B3GALT1: variants seen among roughly 807,000 people sequenced by gnomAD.
B3GALT1 encodes UDP-Gal:betaGlcNAc beta 1,3-galactosyltransferase, polypeptide 1.
A neutral mutation model predicts 23.2 loss-of-function variants in B3GALT1; 10 were observed. The observed-to-expected ratio is 0.43, with a 90% CI of 0.27 to 0.73. The LOEUF (loss-of-function observed/expected upper bound fraction) is 0.73. B3GALT1 is among the 30% of genes least tolerant of loss of function. The probability of loss-of-function intolerance (pLI) is 0.21; values close to 1 mark genes in which losing one functional copy is unlikely to be tolerated. For synonymous variants in B3GALT1, 156 were observed against 141.5 expected (o/e 1.10, Z -0.73); for missense variants, 299 against 405.4 (o/e 0.74, Z 2.25).
intron 3 of B3GALT1, among the ~76,000 whole-genome samples, chr2:167,709,711 T>C (rs1231392569): frequency 6.6e-6 from 1 of 152,076 alleles, no homozygotes; most frequent in Non-Finnish European, 1.5e-5. Flanking sequence ...TATCAACTTA[T>C]TTAATCCTCG....
At chr2:167,783,810 G>T (rs768731714) in intron 3 of B3GALT1, among the ~76,000 whole-genome samples, 14 of 152,166 alleles carry the variant, frequency 9.2e-5, no homozygotes, top group Non-Finnish European at 1.8e-4. Context: ...CAGCAAAGTT[G>T]CTGTGGTCAT....
intron 3 of B3GALT1, among the ~76,000 whole-genome samples, chr2:167,804,035 G>T (rs1360263017): frequency 6.6e-6 from 1 of 152,150 alleles, no homozygotes; most frequent in Non-Finnish European, 1.5e-5. Flanking sequence ...TCACTCTGCT[G>T]CCCAGGCTGG....
At chr2:167,446,740 G>A (rs1321255368) in intron 1 of B3GALT1, among the ~76,000 whole-genome samples, 1 of 152,096 alleles carries the variant, frequency 6.6e-6, no homozygotes, top group Non-Finnish European at 1.5e-5. Context: ...TCTCTACACT[G>A]GTTATTCTAG....
At chr2:167,435,982 C>G (rs570916402) in intron 1 of B3GALT1, among the ~76,000 whole-genome samples, 1 of 102,864 alleles carries the variant, frequency 9.7e-6, no homozygotes, top group Non-Finnish European at 1.8e-5. Context: ...CACACACACA[C>G]GCACACACAC....
chr2:167,867,660 T>C (rs950221227), intron 4 of B3GALT1, among the ~76,000 whole-genome samples: 1 of 152,238 alleles, frequency 6.6e-6, no homozygotes, highest in Non-Finnish European at 1.5e-5. Context: ...CTACACAGTC[T>C]GTACATGTAA....
At chr2:167,396,715 G>A (rs1698104615) in intron 1 of B3GALT1, among the ~76,000 whole-genome samples, 1 of 151,890 alleles carries the variant, frequency 6.6e-6, no homozygotes. Flanking sequence ...AGTGCCTGCT[G>A]AGATGTGTAA....
rs537225919 is a variant in B3GALT1, at chr2:167,718,984, G to T, written c.-352+72018G>T. The stretch of plus-strand genomic sequence containing the variant: ...TTAATAGGTAGATAGGAATTCTAGC[G>T]TACAATTTAACAATATACACTTCAG... On this transcript the variant is annotated intron_variant, in intron 3 of 4. Coordinates refer to ENST00000392690, the MANE Select transcript of B3GALT1 (RefSeq NM_020981.4). 2.0e-5 allele frequency among the ~76,000 whole-genome samples: 3 copies of T among 152,190 alleles called. No homozygotes were observed. In the South Asian group the frequency reaches 6.2e-4, roughly 32 times the overall value.
chr2:167,667,285 C>G (rs943687498), intron 3 of B3GALT1, among the ~76,000 whole-genome samples: 5 of 152,200 alleles, frequency 3.3e-5, no homozygotes, highest in African/African-American at 1.2e-4. Context: ...GGCCCCCACT[C>G]TCTTCTGGCT....
chr2:167,375,550 A>G (rs985645199), intron 1 of B3GALT1, among the ~76,000 whole-genome samples: 1 of 151,926 alleles, frequency 6.6e-6, no homozygotes, highest in Non-Finnish European at 1.5e-5. Flanking sequence ...GTAGAGATCT[A>G]TCACCTCCTT....
chr2:167,646,066 T>C (rs1434392023), intron 2 of B3GALT1, among the ~76,000 whole-genome samples: 1 of 152,194 alleles, frequency 6.6e-6, no homozygotes. Context: ...CACAGAATAT[T>C]AAGTTGAAAG....
intron 1 of B3GALT1, among the ~76,000 whole-genome samples, chr2:167,357,465 G>A (rs1697434504): frequency 1.3e-5 from 2 of 151,852 alleles, no homozygotes. Flanking sequence ...ATTTGTCTTA[G>A]CTTACTCCAA....
chr2:167,846,119 C>T (rs1473598922), intron 4 of B3GALT1, among the ~76,000 whole-genome samples: 1 of 151,940 alleles, frequency 6.6e-6, no homozygotes, highest in African/African-American at 2.4e-5. Context: ...AATGACCAAA[C>T]CTAAGAATAA....
At chr2:167,495,490 C>T (rs13032189) in intron 2 of B3GALT1, among the ~76,000 whole-genome samples, 59,790 of 151,672 alleles carry the variant, frequency 0.39, 12,633 homozygotes, top group East Asian at 0.81. Context: ...TGCGCCACCA[C>T]GCCAGGGTAA....
At chr2:167,547,693 CAAAAAAA>C (rs71031296) in intron 2 of B3GALT1, among the ~76,000 whole-genome samples, 1 of 75,500 alleles carries the variant, frequency 1.3e-5, no homozygotes, top group Non-Finnish European at 3.3e-5. Context: ...GACTCTGTCT[CAAAAAAA>C]AAAAAAAAAA....
At chr2:167,777,395 G>A (rs1430537456) in intron 3 of B3GALT1, among the ~76,000 whole-genome samples, 1 of 152,174 alleles carries the variant, frequency 6.6e-6, no homozygotes. Context: ...TGCCCAGGCT[G>A]GAGTGCAATG....
At position 167,557,237 on chromosome 2, in the gene B3GALT1, CTTATA is replaced by C. The variant is rs537101660; in HGVS notation, c.-410+66963_-410+66967del. Reference sequence around the variant, plus strand: ...ATCAAAGACATTTTCATTTAAATATCTTATATTGTATACTTTTATGAATTATAAAC... The same window carrying C: ...ATCAAAGACATTTTCATTTAAATATCTTGTATACTTTTATGAATTATAAAC... On this transcript the variant is annotated intron_variant, in intron 2 of 4. Transcript: ENST00000392690. Among the ~76,000 whole-genome samples, 106 of 151,764 alleles carry C rather than the reference CTTATA, an allele frequency of 7.0e-4. 1 individual carries two copies. The highest frequency in any genetic ancestry group is 2.5e-3 in the African/African-American group (103 of 41,374).
At chr2:167,519,896 A>G (rs1700162097) in intron 2 of B3GALT1, among the ~76,000 whole-genome samples, 2 of 152,062 alleles carry the variant, frequency 1.3e-5, no homozygotes, top group Non-Finnish European at 2.9e-5. Flanking sequence ...ACATGGGGAA[A>G]TATCATCTCT....
At chr2:167,341,001 C>T (rs1697138641) in intron 1 of B3GALT1, among the ~76,000 whole-genome samples, 1 of 151,936 alleles carries the variant, frequency 6.6e-6, no homozygotes, top group Non-Finnish European at 1.5e-5. Context: ...ATAAATAAAA[C>T]AATAAAATCA....
At chr2:167,748,578 C>G (rs1480393724) in intron 3 of B3GALT1, among the ~76,000 whole-genome samples, 2 of 152,044 alleles carry the variant, frequency 1.3e-5, no homozygotes, top group Admixed American at 6.6e-5. Context: ...GGCACCAAGG[C>G]AAAAGGAAGG....
Sources: allele counts gnomAD v4.1 joint callset (sites outside exome capture counted in the v4.1 genomes callset), GRCh38; gene constraint gnomAD v4.1.1; transcripts MANE v1.5; gene names NCBI Gene and HGNC (gene_info 2026-07-23, HGNC 2026-07-21).